The following RASSF8 variants were observed in gnomAD, a reference collection of about 807,000 sequenced individuals.
RASSF8 encodes ras association domain-containing protein 8.
RASSF8 carries 22 observed loss-of-function variants against 48.5 expected under a neutral mutation model. The ratio of observed to expected loss-of-function variants is 0.45; its 90% CI spans 0.32 to 0.65. The LOEUF (loss-of-function observed/expected upper bound fraction) is 0.65. Among genes scored for constraint, RASSF8 ranks in the 30% least tolerant of loss-of-function variants. The pLI, the probability that RASSF8 is intolerant of heterozygous loss-of-function variation, is 0.03. For missense variants in RASSF8, 418 were observed against 489.2 expected, an observed-to-expected ratio of 0.85 and a Z score of 1.37; for synonymous variants, 127 against 171.5, an observed-to-expected ratio of 0.74 and a Z score of 2.03.
intron 1 of RASSF8, among the ~76,000 whole-genome samples, chr12:25,992,037 A>C (rs956786696): frequency 6.6e-6 from 1 of 152,154 alleles, no homozygotes; most frequent in African/African-American, 2.4e-5. Flanking sequence ...TATTTGTATA[A>C]TAGATAACTG....
chr12:26,064,472 AAGT>A, intron 3 of RASSF8, 23 bp from the exon 4 acceptor site: 1 of 1,496,984 alleles, frequency 6.7e-7, no homozygotes. Context: ...CCATTTTGAC[AAGT>A]TATTCTTACC....
chr12:26,001,235 A>G (rs940888067), intron 2 of RASSF8, among the ~76,000 whole-genome samples: 1 of 143,632 alleles, frequency 7.0e-6, no homozygotes, highest in African/African-American at 2.6e-5. Flanking sequence ...AGGTCTCACT[A>G]TGTTGCCCAG....
intron 2 of RASSF8, among the ~76,000 whole-genome samples, chr12:26,041,998 T>C (rs1227246789): frequency 6.6e-6 from 1 of 152,252 alleles, no homozygotes; most frequent in Non-Finnish European, 1.5e-5. Flanking sequence ...GATGAATTGC[T>C]GATGATTGTA....
At chr12:26,049,582 GTC>G (rs1210662578) in intron 2 of RASSF8, among the ~76,000 whole-genome samples, 2 of 152,174 alleles carry the variant, frequency 1.3e-5, no homozygotes, top group Non-Finnish European at 2.9e-5. Context: ...TATGAGAGAA[GTC>G]TCTACTTCAA....
At position 26,069,894 on chromosome 12, in the gene RASSF8, AG is replaced by A; in HGVS notation, c.*1077del. The A allele has an allele frequency of 2.0e-6, 2 of 982,708 alleles. No individual in the cohort carries two copies. Among genetic ancestry groups the A allele is most frequent in the Non-Finnish European group, 2.4e-6 (2 of 827,404 alleles). The allele number at this position is 982,708 out of a possible 1,614,324, so 60.9% of individuals were successfully genotyped here. ...AGGAGGTTAAACCTAGGTACTTTTTAGCAAGGATATAAAGTCAAATTCAGCA... is the reference window on the plus strand; with the variant it reads ...AGGAGGTTAAACCTAGGTACTTTTTACAAGGATATAAAGTCAAATTCAGCA... On this transcript the variant is annotated 3_prime_UTR_variant, in exon 6 of 6. Coordinates refer to ENST00000689635, the MANE Select transcript of RASSF8 (RefSeq NM_001394098.1).
At chr12:26,003,286 G>A (rs545963064) in intron 2 of RASSF8, among the ~76,000 whole-genome samples, 1 of 152,290 alleles carries the variant, frequency 6.6e-6, no homozygotes, top group African/African-American at 2.4e-5. Flanking sequence ...AACCATCCTT[G>A]CATGCCTGAT....
intron 2 of RASSF8, among the ~76,000 whole-genome samples, chr12:26,036,090 T>C (rs1943145519): frequency 6.6e-6 from 1 of 151,722 alleles, no homozygotes; most frequent in Admixed American, 6.6e-5. Flanking sequence ...CTCAAATCCA[T>C]TCAAGAACAA....
At chr12:26,024,658 T>C (rs76218066) in intron 2 of RASSF8, among the ~76,000 whole-genome samples, 1,849 of 152,188 alleles carry the variant, frequency 0.012, 46 homozygotes, top group African/African-American at 0.043. Flanking sequence ...TGGTTAGACA[T>C]ATAAAAGGTC....
rs570125623 is a variant in RASSF8 at position 26,008,420 on chromosome 12, AT to A, written c.-109+13292del. Among the ~76,000 whole-genome samples, 398 of 152,256 alleles carry A rather than the reference AT, an allele frequency of 2.6e-3. 3 individuals are homozygous for A. Among genetic ancestry groups the A allele is most frequent in the Admixed American group, 0.025 (382 of 15,292 alleles). On this transcript the variant is annotated intron_variant, in intron 2 of 5. Coordinates refer to ENST00000689635, the MANE Select transcript of RASSF8 (RefSeq NM_001394098.1). ...GCTACTAGACAATTTTACTGTGTAA[AT>A]TCTTTGCAAATTTGCCTTACTGGAG...
chr12:26,056,534 T>C (rs553997960), intron 3 of RASSF8, among the ~76,000 whole-genome samples: 8 of 152,260 alleles, frequency 5.3e-5, no homozygotes, highest in Non-Finnish European at 1.2e-4. Context: ...ATTGGAAGCA[T>C]GTCAATTAGC....
intron 1 of RASSF8, among the ~76,000 whole-genome samples, chr12:25,963,566 G>A (rs1227703409): frequency 1.3e-5 from 2 of 152,114 alleles, no homozygotes; most frequent in African/African-American, 4.8e-5. Flanking sequence ...CACCCTTAGA[G>A]TGTAGTTCTA....
chr12:25,971,475 C>T (rs2136863552), intron 1 of RASSF8, among the ~76,000 whole-genome samples: 1 of 152,256 alleles, frequency 6.6e-6, no homozygotes, highest in Non-Finnish European at 1.5e-5. Flanking sequence ...AATGGAAAAA[C>T]TTCTGATGAT....
chr12:26,022,701 CA>C (rs34763651), intron 2 of RASSF8, among the ~76,000 whole-genome samples: 108,702 of 151,338 alleles, frequency 0.72, 39,029 homozygotes, highest in South Asian at 0.79. Flanking sequence ...AGTATAATAA[CA>C]AAAAAAATTT....
intron 2 of RASSF8, among the ~76,000 whole-genome samples, chr12:26,013,814 A>G (rs899042439): frequency 2.4e-4 from 36 of 152,262 alleles, no homozygotes; most frequent in African/African-American, 7.0e-4. Flanking sequence ...TAATGTGGCT[A>G]TTGTTGAATA....
intron 2 of RASSF8, among the ~76,000 whole-genome samples, chr12:25,997,254 AT>A (rs1360192512): frequency 2.6e-5 from 4 of 152,250 alleles, no homozygotes; most frequent in African/African-American, 9.6e-5. Flanking sequence ...ATCTTCCCTC[AT>A]CCCCCCTTTC....
At chr12:26,033,567 A>T (rs909291838) in intron 2 of RASSF8, among the ~76,000 whole-genome samples, 3 of 152,118 alleles carry the variant, frequency 2.0e-5, no homozygotes, top group African/African-American at 7.2e-5. Context: ...TTTTGGAGGG[A>T]AAAAGGAAAT....
At chr12:26,004,408 G>C (rs1274750979) in intron 2 of RASSF8, among the ~76,000 whole-genome samples, 2 of 152,144 alleles carry the variant, frequency 1.3e-5, no homozygotes, top group East Asian at 3.8e-4. Context: ...GTCTACAGTT[G>C]ACCTTGCACA....
chr12:26,010,624 C>T (rs944935923), intron 2 of RASSF8, among the ~76,000 whole-genome samples: 2 of 152,198 alleles, frequency 1.3e-5, no homozygotes, highest in Non-Finnish European at 2.9e-5. Flanking sequence ...ATTGAATGTG[C>T]TTTAGTTTAA....
At chr12:26,047,188 A>C (rs1943390459) in intron 2 of RASSF8, among the ~76,000 whole-genome samples, 1 of 152,166 alleles carries the variant, frequency 6.6e-6, no homozygotes, top group Non-Finnish European at 1.5e-5. Context: ...TCCTTTTTAT[A>C]ATACTGCAGC....
Sources: allele counts gnomAD v4.1 joint callset (sites outside exome capture counted in the v4.1 genomes callset), GRCh38; gene constraint gnomAD v4.1.1; transcripts MANE v1.5; gene names NCBI Gene and HGNC (gene_info 2026-07-23, HGNC 2026-07-21).